Variants in SERGEF observed in about 807,000 individuals in gnomAD.
SERGEF encodes secretion-regulating guanine nucleotide exchange factor.
SERGEF carries 51 observed loss-of-function variants against 50.0 expected under a neutral mutation model. The observed-to-expected ratio is 1.02, with a 90% CI of 0.81 to 1.29. SERGEF has a LOEUF of 1.29. Ranked by LOEUF, SERGEF falls within the 50% of genes most tolerant of loss-of-function variation. SERGEF has a pLI of 0.00. For missense variants in SERGEF, 521 were observed against 557.0 expected (o/e 0.94, Z 0.65); for synonymous variants, 205 against 212.4 (o/e 0.97, Z 0.30).
chr11:17,889,527 A>T (rs1337259600), intron 9 of SERGEF, among the ~76,000 whole-genome samples: 1 of 152,236 alleles, frequency 6.6e-6, no homozygotes, highest in Admixed American at 6.5e-5. Context: ...CAATGTCATA[A>T]GAGATAAAGA....
chr11:17,984,243 T>C (rs1391875845), intron 8 of SERGEF, among the ~76,000 whole-genome samples: 1 of 152,174 alleles, frequency 6.6e-6, no homozygotes, highest in Non-Finnish European at 1.5e-5. Context: ...AGAGGTTTAA[T>C]TGGCTTATGG....
intron 9 of SERGEF, among the ~76,000 whole-genome samples, chr11:17,928,689 C>G (rs536216396): frequency 6.6e-6 from 1 of 152,018 alleles, no homozygotes; most frequent in Non-Finnish European, 1.5e-5. Flanking sequence ...CAGTGTCAGT[C>G]GAGACTACCC....
intron 9 of SERGEF, among the ~76,000 whole-genome samples, chr11:17,881,560 C>T (rs565045684): frequency 6.6e-6 from 1 of 152,350 alleles, no homozygotes; most frequent in Non-Finnish European, 1.5e-5. Flanking sequence ...CACTGCTCAG[C>T]TGCAGGCAGC....
intron 10 of SERGEF, among the ~76,000 whole-genome samples, chr11:17,793,981 C>T (rs1231520074): frequency 7.9e-5 from 12 of 152,182 alleles, no homozygotes; most frequent in Non-Finnish European, 5.9e-5. Context: ...GGCACCTGCC[C>T]GAGCTTCTTG....
rs1184756334 is a variant in SERGEF at position 17,996,684 on chromosome 11, C to T, written c.509-775G>A. On this transcript the variant is annotated intron_variant, in intron 5 of 10. Transcript: ENST00000265965. Reference sequence around the variant, plus strand: ...TCCTTTGGGAGTATCCTATAAACAGCAGTCCTTTTTAAGGCTATAAACAGA... The same window carrying T: ...TCCTTTGGGAGTATCCTATAAACAGTAGTCCTTTTTAAGGCTATAAACAGA... 5.9e-5 allele frequency among the ~76,000 whole-genome samples: 9 copies of T among 152,298 alleles called. No homozygotes were observed. The East Asian group carries it at 1.5e-3, about 26-fold the overall frequency.
chr11:18,006,796 C>T (rs1484255213), intron 2 of SERGEF, 50 bp from the exon 3 acceptor site: 2 of 1,582,616 alleles, frequency 1.3e-6, no homozygotes, highest in South Asian at 2.3e-5. Context: ...AAAAACACAA[C>T]TGCAAAATGA....
At chr11:18,012,785 C>CCCCAACAA in intron 1 of SERGEF, 166 bp downstream of exon 1, 10 of 1,141,334 alleles carry the variant, frequency 8.8e-6, no homozygotes, top group Non-Finnish European at 1.2e-5. Flanking sequence ...CCCCGCCCGC[C>CCCCAACAA]CGCTCCTCCT....
intron 10 of SERGEF, among the ~76,000 whole-genome samples, chr11:17,789,757 A>G (rs1849449276): frequency 1.3e-5 from 2 of 152,256 alleles, no homozygotes; most frequent in South Asian, 2.1e-4. Context: ...ATATTTGTAT[A>G]TATGTTTGTC....
At chr11:17,879,299 G>A (rs1851298147) in intron 9 of SERGEF, among the ~76,000 whole-genome samples, 1 of 152,172 alleles carries the variant, frequency 6.6e-6, no homozygotes. Context: ...GGTTCCCCAG[G>A]ACTAATTAAG....
At chr11:17,886,608 G>A (rs1338444993) in intron 9 of SERGEF, among the ~76,000 whole-genome samples, 2 of 151,850 alleles carry the variant, frequency 1.3e-5, no homozygotes, top group East Asian at 1.9e-4. Flanking sequence ...TACTAAAAGC[G>A]AGACTAAAAA....
chr11:17,972,940 C>T (rs779538195), intron 8 of SERGEF, among the ~76,000 whole-genome samples: 15 of 151,956 alleles, frequency 9.9e-5, no homozygotes, highest in Non-Finnish European at 1.8e-4. Flanking sequence ...TAATTCTGTA[C>T]ATCACCTTCA....
intron 9 of SERGEF, among the ~76,000 whole-genome samples, chr11:17,955,181 A>G (rs1325282682): frequency 6.6e-6 from 1 of 152,198 alleles, no homozygotes; most frequent in Non-Finnish European, 1.5e-5. Flanking sequence ...TAAGAACCCA[A>G]TTCAAATAAC....
At chr11:17,912,902 A>G (rs147653273) in intron 9 of SERGEF, among the ~76,000 whole-genome samples, 148 of 152,326 alleles carry the variant, frequency 9.7e-4, no homozygotes, top group Middle Eastern at 3.4e-3. Context: ...TTTTCTCATT[A>G]GTAAAATGGA....
intron 9 of SERGEF, among the ~76,000 whole-genome samples, chr11:17,908,640 G>A (rs1452486991): frequency 1.3e-5 from 2 of 152,280 alleles, no homozygotes; most frequent in East Asian, 3.9e-4. Context: ...TACAGTGCTT[G>A]ACATCAGTAT....
At chr11:17,987,989 T>C (rs1286209238) in intron 8 of SERGEF, among the ~76,000 whole-genome samples, 1 of 152,032 alleles carries the variant, frequency 6.6e-6, no homozygotes, top group African/African-American at 2.4e-5. Flanking sequence ...AAGTTAACAA[T>C]ATGAAGGCCA....
intron 10 of SERGEF, among the ~76,000 whole-genome samples, chr11:17,851,394 A>G (rs780585791): frequency 1.3e-5 from 2 of 152,102 alleles, no homozygotes; most frequent in Non-Finnish European, 2.9e-5. Context: ...GGAAGAAATG[A>G]AGAAACATTA....
chr11:18,000,535 C>A lies in SERGEF; in HGVS notation c.470G>T (p.Cys157Phe). The A allele has an allele frequency of 6.3e-7, 1 of 1,588,082 alleles. No individual in the cohort carries two copies. Among genetic ancestry groups the A allele is most frequent in the Non-Finnish European group, 8.5e-7 (1 of 1,172,166 alleles). ...TGCATGCCTCAGTCCAGCAGCAATACAAACAACCTTCTCTTTATGGAGCTG... is the reference window on the plus strand; with the variant it reads ...TGCATGCCTCAGTCCAGCAGCAATAAAAACAACCTTCTCTTTATGGAGCTG... ...AIELHKEKVV[C>F]IAAGLRHAVA... Residue 157 changes from cysteine (C) to phenylalanine (F), a missense_variant, in exon 5 of 11, where the codon TGT becomes TTT. Coordinates refer to ENST00000265965, the MANE Select transcript of SERGEF (RefSeq NM_012139.4).
At chr11:17,904,306 A>C (rs894503451) in intron 9 of SERGEF, among the ~76,000 whole-genome samples, 1 of 152,216 alleles carries the variant, frequency 6.6e-6, no homozygotes, top group Admixed American at 6.5e-5. Flanking sequence ...CAGCAGCTAA[A>C]AGTGAATGGT....
At position 18,012,996 on chromosome 11, in the gene SERGEF, G is replaced by A. The variant is rs975923634; in HGVS notation, c.15C>T (p.Pro5=). The A allele has an allele frequency of 9.6e-6, 14 of 1,452,794 alleles. No homozygotes were observed. Among genetic ancestry groups the A allele is most frequent in the Non-Finnish European group, 1.3e-5 (14 of 1,113,174 alleles). 90.0% of individuals were successfully genotyped at this position (1,452,794 alleles called of 1,614,324 possible). MERE[P]SASEAAPAAA... Reference sequence around the variant, plus strand: ...CCGCGGGGGCGGCCTCCGAGGCGCTGGGCTCGCGCTCCATGCGAGGACGCT... The same window carrying A: ...CCGCGGGGGCGGCCTCCGAGGCGCTAGGCTCGCGCTCCATGCGAGGACGCT... The change falls in exon 1 of 11, where the codon CCC becomes CCT. Residue 5 remains proline (P), a synonymous_variant. Coordinates refer to ENST00000265965, the MANE Select transcript of SERGEF (RefSeq NM_012139.4).
Sources: allele counts gnomAD v4.1 joint callset (sites outside exome capture counted in the v4.1 genomes callset), GRCh38; gene constraint gnomAD v4.1.1; transcripts MANE v1.5; gene names NCBI Gene and HGNC (gene_info 2026-07-23, HGNC 2026-07-21).